Variants in RIF1 observed in about 807,000 individuals in gnomAD.
RIF1 encodes the protein telomere-associated protein RIF1.
RIF1 carries 45 observed loss-of-function variants against 247.1 expected under a neutral mutation model. The observed-to-expected ratio is 0.18, with a 90% CI of 0.14 to 0.23. RIF1 has a LOEUF of 0.23. RIF1 is among the 10% of genes least tolerant of loss of function. RIF1 has a pLI of 1.00. For synonymous variants in RIF1, 1,087 were observed against 978.8 expected, an observed-to-expected ratio of 1.11 and a Z score of -2.06; for missense variants, 2,967 against 2,862.5, an observed-to-expected ratio of 1.04 and a Z score of -0.83.
At chr2:151,499,455 T>C (rs2062796383) in exon 11 of RIF1, 6 of 842,670 alleles carry the variant, frequency 7.1e-6, no homozygotes, top group African/African-American at 1.7e-5. Context: ...TCATCTACCT[T>C]GTGGGGAACC....
At chr2:151,512,689 T>C, downstream of RIF1, 9 of 1,342,562 alleles carry the variant, frequency 6.7e-6, no homozygotes, top group Non-Finnish European at 9.6e-6. Context: ...TTCCATTCTT[T>C]CATGATTGGG....
intron 11 of RIF1, among the ~76,000 whole-genome samples, chr2:151,436,119 G>A (rs1691149392): frequency 6.6e-6 from 1 of 152,076 alleles, no homozygotes; most frequent in South Asian, 2.1e-4. Context: ...CAGCTACCTG[G>A]GAGGCTGTGG....
At chr2:151,482,910 C>G (rs972327080), downstream of RIF1, among the ~76,000 whole-genome samples, 1 of 152,118 alleles carries the variant, frequency 6.6e-6, no homozygotes, top group African/African-American at 2.4e-5. Flanking sequence ...CCATTTTTGA[C>G]AGGTAGAGGT....
downstream of RIF1, among the ~76,000 whole-genome samples, chr2:151,486,959 A>C (rs2051020441): frequency 6.6e-6 from 1 of 152,222 alleles, no homozygotes; most frequent in South Asian, 2.1e-4. Context: ...AAGTATTCTA[A>C]AATTAGATTA....
chr2:151,430,617 G>A (rs1419715071), intron 9 of RIF1, among the ~76,000 whole-genome samples: 1 of 152,132 alleles, frequency 6.6e-6, no homozygotes, highest in Non-Finnish European at 1.5e-5. Flanking sequence ...ACTGCTCCCA[G>A]CCCTATAATT....
rs568865544 is a variant in RIF1, at chr2:151,462,671, A to G, written c.3363+205A>G. Among the ~76,000 whole-genome samples, 58 of 149,466 alleles carry G rather than the reference A, an allele frequency of 3.9e-4. 1 individual carries two copies. Among genetic ancestry groups the G allele is most frequent in the African/African-American group, 1.4e-3 (56 of 40,854 alleles). ...TCAGTGTGTGTGTGTGTGTGTGTAT[A>G]AAATAAATGTACTTGGCTTTTCTTG... On this transcript the variant is annotated intron_variant, in intron 29 of 35. Coordinates refer to ENST00000444746, the MANE Select transcript of RIF1 (RefSeq NM_018151.5).
chr2:151,464,505 A>G lies in RIF1; in HGVS notation c.4985A>G (p.Tyr1662Cys). ...EKNETSKYAE[Y>C]SFTSLPVPES... ...AATGAAACTAGCAAATATGCAGAAT[A>G]TTCCTTTACAAGTCTACCTGTGCCA... The change falls in exon 30 of 36, where the codon TAT becomes TGT. Residue 1662 changes from tyrosine (Y) to cysteine (C), a missense_variant. Coordinates refer to ENST00000444746, the MANE Select transcript of RIF1 (RefSeq NM_018151.5). The G allele has an allele frequency of 1.2e-6, 2 of 1,612,504 alleles. No individual in the cohort carries two copies. The highest frequency in any genetic ancestry group is 1.7e-6 in the Non-Finnish European group (2 of 1,179,586).
chr2:151,502,783 T>C lies in RIF1; in HGVS notation c.*710-251T>C, dbSNP rs746768491. On this transcript the variant is annotated intron_variant and NMD_transcript_variant, in intron 11 of 13. Coordinates refer to the RIF1 transcript ENST00000454583. ...AGGGATTTTTTTTTTTTTGGCCCCC[T>C]AAGAAATACCGAGCTAAAGTTCTCT... The C allele has an allele frequency of 3.9e-6, 6 of 1,536,150 alleles. No individual in the cohort carries two copies. Among genetic ancestry groups the C allele is most frequent in the Non-Finnish European group, 5.4e-6 (6 of 1,112,162 alleles).
chr2:151,410,583 G>A (rs1685979895), intron 2 of RIF1, 56 bp downstream of exon 2: 1 of 1,406,632 alleles, frequency 7.1e-7, no homozygotes, highest in Non-Finnish European at 1.0e-6. Context: ...TGGGGAGAAA[G>A]AAGGTGGTTG....
intron 10 of RIF1, chr2:151,497,928 T>C (rs867344267): frequency 1.4e-6 from 2 of 1,460,578 alleles, no homozygotes; most frequent in African/African-American, 2.9e-5. Context: ...GAGGAAGGGC[T>C]GTCAGAGTTA....
intron 9 of RIF1, among the ~76,000 whole-genome samples, chr2:151,431,469 T>C (rs993503789): frequency 5.9e-5 from 9 of 152,216 alleles, no homozygotes; most frequent in African/African-American, 2.2e-4. Flanking sequence ...TCTCTGCTAC[T>C]GTAGAGATAT....
chr2:151,468,222 A>G, intron 31 of RIF1, 76 bp downstream of exon 31: 3 of 1,338,724 alleles, frequency 2.2e-6, no homozygotes, highest in Non-Finnish European at 3.1e-6. Flanking sequence ...TCATAAAATG[A>G]ACTATATATG....
At chr2:151,524,474 A>G in the RIF1 span, 2 of 1,613,066 alleles carry the variant, frequency 1.2e-6, no homozygotes, top group African/African-American at 1.3e-5. Context: ...TGCCTTGGCA[A>G]TGGCTGTTGG....
At chr2:151,443,746 AC>A (rs1307819299) in intron 18 of RIF1, 37 bp downstream of exon 18, 8 of 1,324,068 alleles carry the variant, frequency 6.0e-6, no homozygotes, top group South Asian at 4.1e-5. Flanking sequence ...TGGATAATAG[AC>A]CTTTTTTTTT....
intron 21 of RIF1, among the ~76,000 whole-genome samples, chr2:151,452,935 G>A (rs769294530): frequency 1.3e-5 from 2 of 152,184 alleles, no homozygotes; most frequent in Non-Finnish European, 2.9e-5. Flanking sequence ...TTCTCTTGCT[G>A]TAAAATTTGG....
chr2:151,496,154 T>A, intron 10 of RIF1: 1 of 1,160,536 alleles, frequency 8.6e-7, no homozygotes, highest in Non-Finnish European at 1.2e-6. Context: ...AGGGTAAATT[T>A]GCTAAAGAAA....
At chr2:151,518,365 T>G in the RIF1 span, 1 of 1,612,700 alleles carries the variant, frequency 6.2e-7, no homozygotes, top group East Asian at 2.2e-5. Flanking sequence ...TGCTCCAGAT[T>G]ATCGGGTATG....
At chr2:151,434,042 T>C (rs1021252883) in intron 10 of RIF1, among the ~76,000 whole-genome samples, 1 of 151,656 alleles carries the variant, frequency 6.6e-6, no homozygotes. Flanking sequence ...TGTGGTGGCA[T>C]GTGCCTGTAG....
At chr2:151,518,300 C>A in the RIF1 span, 2 of 1,532,504 alleles carry the variant, frequency 1.3e-6, no homozygotes, top group Non-Finnish European at 1.8e-6. Context: ...GAGGAAAAAT[C>A]GGTCTTGATC....
Sources: allele counts gnomAD v4.1 joint callset (sites outside exome capture counted in the v4.1 genomes callset), GRCh38; gene constraint gnomAD v4.1.1; transcripts MANE v1.5; gene names NCBI Gene and HGNC (gene_info 2026-07-23, HGNC 2026-07-21).